The following SEC22A variants were observed in gnomAD, a reference collection of about 807,000 sequenced individuals.
SEC22A encodes the protein vesicle-trafficking protein SEC22a.
Under a neutral mutation model 35.3 loss-of-function variants are expected in SEC22A, and 22 were observed. That is an observed-to-expected ratio of 0.62 (90% confidence interval 0.45 to 0.89). The LOEUF (loss-of-function observed/expected upper bound fraction) is 0.89. Among genes scored for constraint, SEC22A ranks in the 40% least tolerant of loss-of-function variants. SEC22A has a pLI of 0.00. For missense variants in SEC22A, 354 were observed against 362.5 expected (o/e 0.98, Z 0.19); for synonymous variants, 119 against 129.5 (o/e 0.92, Z 0.55).
chr3:123,230,618 CT>C (rs548899172), intron 4 of SEC22A, among the ~76,000 whole-genome samples: 1 of 144,954 alleles, frequency 6.9e-6, no homozygotes, highest in South Asian at 2.2e-4. Context: ...ACATGGTAAG[CT>C]TAGAGCAACC....
At chr3:123,221,617 C>T (rs549101200) in intron 2 of SEC22A, among the ~76,000 whole-genome samples, 2 of 151,894 alleles carry the variant, frequency 1.3e-5, no homozygotes, top group South Asian at 4.2e-4. Flanking sequence ...TTAGGTGACT[C>T]ATTAAAAAGG....
chr3:123,246,335 T>G (rs934978401), intron 5 of SEC22A, among the ~76,000 whole-genome samples: 1 of 151,718 alleles, frequency 6.6e-6, no homozygotes, highest in African/African-American at 2.4e-5. Flanking sequence ...ATACACAGAG[T>G]TGGGAAGGGG....
At chr3:123,253,575 G>A (rs756113457) in intron 5 of SEC22A, among the ~76,000 whole-genome samples, 7 of 151,946 alleles carry the variant, frequency 4.6e-5, no homozygotes, top group Admixed American at 1.3e-4. Flanking sequence ...AACTGAGCGC[G>A]GTGGCAGGTG....
Position 123,261,573 on chromosome 3 carries a change from TG to T in SEC22A, c.723+1985del, listed in dbSNP as rs1937895839. Reference sequence around the variant, plus strand: ...ATCTCATTTGATTTTTATCTAAAACTGTGAGGTATTTAATATAATTTTATGA... The same window carrying T: ...ATCTCATTTGATTTTTATCTAAAACTTGAGGTATTTAATATAATTTTATGA... On this transcript the variant is annotated intron_variant, in intron 6 of 6. Transcript: ENST00000492595. 3.0e-5 allele frequency among the ~76,000 whole-genome samples: 3 copies of T among 98,514 alleles called. No homozygotes were observed. In the South Asian group the frequency reaches 9.8e-4, roughly 32 times the overall value. The allele number at this position is 98,514 out of a possible 152,430, so 64.6% of individuals were successfully genotyped here. A position where few individuals can be genotyped will look rare whatever the true frequency, so the allele number is the denominator to read the frequency against.
intron 5 of SEC22A, among the ~76,000 whole-genome samples, chr3:123,255,715 A>C (rs1559762560): frequency 6.6e-6 from 1 of 152,170 alleles, no homozygotes; most frequent in Non-Finnish European, 1.5e-5. Context: ...TTTAAGTCTA[A>C]AAATATGTAG....
chr3:123,258,942 T>C (rs1937811685), intron 5 of SEC22A, among the ~76,000 whole-genome samples: 1 of 152,168 alleles, frequency 6.6e-6, no homozygotes, highest in Admixed American at 6.5e-5. Context: ...ATGCATGAGG[T>C]ATCTCTGTTT....
intron 5 of SEC22A, among the ~76,000 whole-genome samples, chr3:123,255,088 G>A (rs1358193032): frequency 1.3e-5 from 2 of 152,062 alleles, no homozygotes; most frequent in African/African-American, 2.4e-5. Flanking sequence ...CTTATCTTAT[G>A]TACCCTCTCT....
intron 4 of SEC22A, among the ~76,000 whole-genome samples, chr3:123,232,766 A>G (rs1031242110): frequency 6.6e-6 from 1 of 152,222 alleles, no homozygotes. Flanking sequence ...AGTAAAATGC[A>G]GACCAATATA....
chr3:123,265,929 T>C (rs1202129703), intron 6 of SEC22A, among the ~76,000 whole-genome samples: 1 of 152,224 alleles, frequency 6.6e-6, no homozygotes, highest in Non-Finnish European at 1.5e-5. Flanking sequence ...CACTACCACA[T>C]AGTCTCGATT....
chr3:123,271,531 C>G lies in SEC22A; in HGVS notation c.733C>G (p.Leu245Val), dbSNP rs762896849. ...TTTATATTTTGAACAGTGTTATTTA[C>G]TTGTCTACTACACCGGCTGGCGGAA... Reference protein sequence around the residue: ...TAACLYQCYLLVYYTGWRNVK... With the variant: ...TAACLYQCYLVVYYTGWRNVK... The change falls in exon 7 of 7, where the codon CTT (leucine) becomes GTT (valine). Residue 245 changes from leucine to valine, a missense_variant. By Grantham distance (32) the Leu-to-Val change is conservative. Coordinates refer to ENST00000492595, the MANE Select transcript of SEC22A (RefSeq NM_012430.5). 2 of 1,612,686 alleles carry G rather than the reference C, an allele frequency of 1.2e-6. No individual in the cohort carries two copies. The highest frequency in any genetic ancestry group is 1.7e-6 in the Non-Finnish European group (2 of 1,179,612).
intron 4 of SEC22A, among the ~76,000 whole-genome samples, chr3:123,233,698 C>T (rs1937362046): frequency 6.6e-6 from 1 of 151,714 alleles, no homozygotes; most frequent in Non-Finnish European, 1.5e-5. Flanking sequence ...GGAAGTTCCT[C>T]AACTTGATAA....
chr3:123,258,803 A>G (rs1937804500), intron 5 of SEC22A, among the ~76,000 whole-genome samples: 1 of 152,150 alleles, frequency 6.6e-6, no homozygotes, highest in Admixed American at 6.5e-5. Context: ...CTCCTGCCCG[A>G]ACTTTATCTT....
intron 5 of SEC22A, among the ~76,000 whole-genome samples, chr3:123,254,042 T>A (rs1211399386): frequency 6.6e-6 from 1 of 152,076 alleles, no homozygotes; most frequent in East Asian, 1.9e-4. Context: ...ATCACCAAAT[T>A]TTCATACATG....
At chr3:123,249,887 C>A (rs1937596554) in intron 5 of SEC22A, among the ~76,000 whole-genome samples, 2 of 152,008 alleles carry the variant, frequency 1.3e-5, no homozygotes, top group Non-Finnish European at 2.9e-5. Context: ...ACACCAGGGT[C>A]CATGACCAAA....
intron 4 of SEC22A, among the ~76,000 whole-genome samples, chr3:123,226,322 A>G (rs1049985361): frequency 6.6e-6 from 1 of 152,200 alleles, no homozygotes; most frequent in African/African-American, 2.4e-5. Context: ...CCCCACCAAC[A>G]GTGTTCCCTT....
intron 4 of SEC22A, among the ~76,000 whole-genome samples, chr3:123,238,153 CA>C (rs111969359): frequency 0.2 from 29,770 of 150,708 alleles, 3,023 homozygotes; most frequent in Middle Eastern, 0.28. Context: ...GACCCTGTCT[CA>C]AAAAAAAAGT....
intron 5 of SEC22A, among the ~76,000 whole-genome samples, chr3:123,257,995 G>GAAAAAAAAAAAAA (rs61068587): frequency 7.2e-5 from 8 of 111,502 alleles, no homozygotes; most frequent in Non-Finnish European, 1.1e-4. Flanking sequence ...CCATCTCATT[G>GAAAAAAAAAAAAA]AAAAAAAAAA....
At chr3:123,229,504 A>ATT (rs1274368528) in intron 4 of SEC22A, among the ~76,000 whole-genome samples, 1 of 152,256 alleles carries the variant, frequency 6.6e-6, no homozygotes, top group Non-Finnish European at 1.5e-5. Flanking sequence ...CAAAGTAAAG[A>ATT]TATTTACAGA....
chr3:123,212,946 T>C (rs1233026636), intron 2 of SEC22A, among the ~76,000 whole-genome samples: 1 of 152,184 alleles, frequency 6.6e-6, no homozygotes, highest in African/African-American at 2.4e-5. Flanking sequence ...GTTTTTCCTG[T>C]TATTGAGACC....
Sources: allele counts gnomAD v4.1 joint callset (sites outside exome capture counted in the v4.1 genomes callset), GRCh38; gene constraint gnomAD v4.1.1; transcripts MANE v1.5; gene names NCBI Gene and HGNC (gene_info 2026-07-23, HGNC 2026-07-21).